SWT1: variants seen among roughly 807,000 people sequenced by gnomAD.
The protein encoded by SWT1 is transcriptional protein SWT1.
SWT1 carries 33 observed loss-of-function variants against 107.3 expected under a neutral mutation model. The ratio of observed to expected loss-of-function variants is 0.31; its 90% CI spans 0.23 to 0.41. The LOEUF (loss-of-function observed/expected upper bound fraction) is 0.41. Among genes scored for constraint, SWT1 ranks in the 10% least tolerant of loss-of-function variants. SWT1 has a pLI of 1.00. For missense variants in SWT1, 898 were observed against 1,028.9 expected (o/e 0.87, Z 1.74); for synonymous variants, 345 against 348.3 (o/e 0.99, Z 0.11).
chr1:185,157,484 G>A (rs917802096), intron 1 of SWT1, 170 bp downstream of exon 1: 1 of 152,666 alleles, frequency 6.6e-6, no homozygotes, highest in East Asian at 1.9e-4. Flanking sequence ...TCCGTGGAGG[G>A]TGTGGTTCTG....
In SWT1 at chr1:185,202,765, T is replaced by C. The variant is rs762406012; in HGVS notation, c.1635T>C (p.His545=). The C allele has an allele frequency of 6.3e-7, 1 of 1,585,306 alleles. No individual in the cohort carries two copies. Among genetic ancestry groups the C allele is most frequent in the Non-Finnish European group, 8.6e-7 (1 of 1,165,130 alleles). Residue 545 remains histidine, a synonymous_variant, in exon 11 of 19, where the codon CAT becomes CAC. Transcript: ENST00000367500. ...TATCTCTGAACACAGATGTGTGTCATCAGCCTTGTATTCCTAAGCAACAGT... is the reference window on the plus strand; with the variant it reads ...TATCTCTGAACACAGATGTGTGTCACCAGCCTTGTATTCCTAAGCAACAGT... ...LHLSLNTDVC[H]QPCIPKQQLK...
At chr1:185,188,917 A>G (rs143348832) in intron 9 of SWT1, among the ~76,000 whole-genome samples, 2 of 152,292 alleles carry the variant, frequency 1.3e-5, no homozygotes, top group East Asian at 1.9e-4. Context: ...TAGGTAGTTT[A>G]TGGACTTGTG....
chr1:185,176,866 C>A, intron 5 of SWT1: 1 of 393,464 alleles, frequency 2.5e-6, no homozygotes, highest in Non-Finnish European at 3.5e-6. Context: ...CACCTGTAGT[C>A]CCAGCTACTT....
rs1425755957 is a variant in SWT1 at position 185,291,126 on chromosome 1, A to C, written c.*323A>C. 1 of 165,180 alleles carries C rather than the reference A, an allele frequency of 6.1e-6. No homozygotes were observed. Among genetic ancestry groups the C allele is most frequent in the Non-Finnish European group, 1.3e-5 (1 of 76,262 alleles). 10.2% of individuals were successfully genotyped at this position (165,180 alleles called of 1,614,324 possible). A position where few individuals can be genotyped will look rare whatever the true frequency, so the allele number is the denominator to read the frequency against. Reference sequence around the variant, plus strand: ...AGGGCAGGAGCCACTGTGGCATCTGAGGAAGACCCAGGGTACAGTATTAGC... The same window carrying C: ...AGGGCAGGAGCCACTGTGGCATCTGCGGAAGACCCAGGGTACAGTATTAGC... On this transcript the variant is annotated 3_prime_UTR_variant, in exon 19 of 19. Coordinates refer to ENST00000367500, the MANE Select transcript of SWT1 (RefSeq NM_017673.7).
rs543030689 is a variant in SWT1, at chr1:185,257,357, A to G, written c.2442-13966A>G. Among the ~76,000 whole-genome samples the G allele has an allele frequency of 2.6e-3, 390 of 152,276 alleles. 2 individuals are homozygous for G. The highest frequency in any genetic ancestry group is 9.1e-3 in the African/African-American group (377 of 41,548). ...TTGTTTACCTAAGCAAGCCTGGGCA[A>G]TGGAGGGCGCCCCTCCCCCAGCCTC... On this transcript the variant is annotated intron_variant, in intron 16 of 18. Coordinates refer to ENST00000367500, the MANE Select transcript of SWT1 (RefSeq NM_017673.7).
intron 15 of SWT1, among the ~76,000 whole-genome samples, chr1:185,225,446 C>T (rs1659976202): frequency 6.6e-6 from 1 of 152,064 alleles, no homozygotes; most frequent in African/African-American, 2.4e-5. Context: ...GCAAGTATTC[C>T]TGCTTCTTCA....
chr1:185,172,329 A>G (rs1452106969), intron 4 of SWT1, among the ~76,000 whole-genome samples: 2 of 152,202 alleles, frequency 1.3e-5, no homozygotes, highest in Non-Finnish European at 2.9e-5. Flanking sequence ...ACCATATTAT[A>G]TGTACAGATT....
At chr1:185,278,559 G>C (rs949750613) in intron 18 of SWT1, among the ~76,000 whole-genome samples, 19 of 152,212 alleles carry the variant, frequency 1.2e-4, no homozygotes, top group Non-Finnish European at 8.8e-5. Context: ...TTCCTTCACT[G>C]TTGCCTTCCA....
chr1:185,238,257 A>G (rs1432425906), intron 16 of SWT1, among the ~76,000 whole-genome samples: 1 of 152,094 alleles, frequency 6.6e-6, no homozygotes, highest in Non-Finnish European at 1.5e-5. Flanking sequence ...AAATTCTGGG[A>G]TTACAGGCAT....
intron 17 of SWT1, among the ~76,000 whole-genome samples, chr1:185,274,012 T>C (rs926198394): frequency 2.0e-5 from 3 of 151,936 alleles, no homozygotes; most frequent in Admixed American, 1.3e-4. Context: ...CTCTAAAATA[T>C]ATATGAACAA....
At chr1:185,247,968 A>T (rs937698215) in intron 16 of SWT1, among the ~76,000 whole-genome samples, 1 of 152,072 alleles carries the variant, frequency 6.6e-6, no homozygotes, top group South Asian at 2.1e-4. Flanking sequence ...TTCCTAAATT[A>T]ATAGTTATTT....
intron 16 of SWT1, among the ~76,000 whole-genome samples, chr1:185,250,053 C>T (rs1265311907): frequency 6.6e-6 from 1 of 152,218 alleles, no homozygotes; most frequent in Non-Finnish European, 1.5e-5. Context: ...GTCACAACCA[C>T]AGATCTCTTT....
chr1:185,211,101 A>C (rs1354207830), intron 13 of SWT1, among the ~76,000 whole-genome samples: 2 of 152,244 alleles, frequency 1.3e-5, no homozygotes, highest in African/African-American at 4.8e-5. Flanking sequence ...CAATATAGTG[A>C]AAATGGCCAT....
chr1:185,226,137 T>A (rs1660034609), intron 15 of SWT1, among the ~76,000 whole-genome samples: 1 of 152,172 alleles, frequency 6.6e-6, no homozygotes, highest in African/African-American at 2.4e-5. Context: ...AAACTATATC[T>A]AAGATATTTT....
At chr1:185,230,754 T>G (rs562965313) in intron 15 of SWT1, among the ~76,000 whole-genome samples, 65 of 149,682 alleles carry the variant, frequency 4.3e-4, no homozygotes, top group Middle Eastern at 6.9e-3. Flanking sequence ...GTGTGTGTGT[T>G]TGTTTTGTTT....
chr1:185,189,631 A>G (rs1370327945), intron 9 of SWT1, among the ~76,000 whole-genome samples: 1 of 152,034 alleles, frequency 6.6e-6, no homozygotes, highest in Non-Finnish European at 1.5e-5. Context: ...TTCTGATCAC[A>G]TTTCTTTCCT....
chr1:185,217,540 A>G (rs1009573012), intron 14 of SWT1, among the ~76,000 whole-genome samples: 4 of 151,912 alleles, frequency 2.6e-5, no homozygotes, highest in Admixed American at 6.6e-5. Context: ...CAGGGCTCCC[A>G]CTGATTCTAC....
chr1:185,254,935 C>T (rs1191079034), intron 16 of SWT1, among the ~76,000 whole-genome samples: 1 of 152,096 alleles, frequency 6.6e-6, no homozygotes, highest in Admixed American at 6.6e-5. Flanking sequence ...AAAATTCCCT[C>T]TACACACTGC....
chr1:185,265,411 T>C lies in SWT1; in HGVS notation c.2442-5912T>C, dbSNP rs112181792. On this transcript the variant is annotated intron_variant, in intron 16 of 18. Coordinates refer to ENST00000367500, the MANE Select transcript of SWT1 (RefSeq NM_017673.7). ...TGTAATAAATAATCCCCCCCAAACG[T>C]GCTCTAAGATCCAAGACTTTTTTTC... Among the ~76,000 whole-genome samples the C allele has an allele frequency of 8.7e-3, 1,321 of 152,338 alleles. 16 individuals carry two copies. The highest frequency in any genetic ancestry group is 0.029 in the African/African-American group (1,187 of 41,582).
Sources: allele counts gnomAD v4.1 joint callset (sites outside exome capture counted in the v4.1 genomes callset), GRCh38; gene constraint gnomAD v4.1.1; transcripts MANE v1.5; gene names NCBI Gene and HGNC (gene_info 2026-07-23, HGNC 2026-07-21).